Variants in DYM observed in about 807,000 individuals in gnomAD.
DYM encodes the protein dymeclin, also known as dyggve-Melchior-Clausen syndrome protein.
DYM carries 78 observed loss-of-function variants against 93.1 expected under a neutral mutation model. That is an observed-to-expected ratio of 0.84 (90% CI 0.70 to 1.01). The LOEUF is 1.01. Among genes scored for constraint, DYM ranks in the 50% least tolerant of loss-of-function variants. The probability of loss-of-function intolerance (pLI) is 0.00; values close to 1 mark genes in which losing one functional copy is unlikely to be tolerated. For missense variants in DYM, 789 were observed against 845.0 expected (o/e 0.93, Z 0.82); for synonymous variants, 321 against 319.7 (o/e 1.00, Z -0.04).
chr18:49,095,486 A>G (rs1342016412), intron 17 of DYM, among the ~76,000 whole-genome samples: 5 of 149,004 alleles, frequency 3.4e-5, no homozygotes, highest in Non-Finnish European at 7.4e-5. Flanking sequence ...TGAATCATCC[A>G]TCTTCTATCC....
At position 49,040,817 on chromosome 18, in the gene DYM, A is replaced by AT. The variant is rs2070883168; in HGVS notation, c.*3237_*3238insA. ...AGAGAGCTCTACCACCCAATGCAAA[A>AT]CCCTGGCTCCCGGAATCTAAAGGAC... On this transcript the variant is annotated 3_prime_UTR_variant, in exon 18 of 18. Transcript: ENST00000675505. 6.6e-6 allele frequency among the ~76,000 whole-genome samples: 1 copy of AT among 152,182 alleles called. No individual in the cohort carries two copies.
At chr18:49,197,562 T>C (rs1255790672) in intron 14 of DYM, among the ~76,000 whole-genome samples, 1 of 146,206 alleles carries the variant, frequency 6.8e-6, no homozygotes, top group Non-Finnish European at 1.5e-5. Flanking sequence ...AGAAACATAC[T>C]AAGTTAGAAG....
intron 13 of DYM, among the ~76,000 whole-genome samples, chr18:49,253,855 G>A (rs545479267): frequency 6.6e-6 from 1 of 152,218 alleles, no homozygotes; most frequent in South Asian, 2.1e-4. Flanking sequence ...ATTAAGAAAA[G>A]ACCTTCTTTT....
rs149485890 is a variant in DYM, at chr18:49,211,036, T to C, written c.1461-1321A>G. ...TACTACTACAATATGGAAGAGATTA[T>C]GGTAGAGAGAACACTGAATTAGGAG... On this transcript the variant is annotated intron_variant, in intron 13 of 17. Transcript: ENST00000675505. 3.3e-5 allele frequency among the ~76,000 whole-genome samples: 5 copies of C among 152,318 alleles called. No homozygotes were observed. In the East Asian group the frequency reaches 7.7e-4, roughly 23 times the overall value.
intron 1 of DYM, among the ~76,000 whole-genome samples, chr18:49,440,540 TTATA>T (rs1278946417): frequency 1.8e-4 from 1 of 5,610 alleles, no homozygotes; most frequent in Non-Finnish European, 2.6e-4. Flanking sequence ...TGACTATATA[TTATA>T]TATTTATATA....
chr18:49,296,121 GTTTTGCCATGGTGGCCAGGA>G (rs2060528110), intron 8 of DYM, among the ~76,000 whole-genome samples: 1 of 152,128 alleles, frequency 6.6e-6, no homozygotes, highest in Non-Finnish European at 1.5e-5. Flanking sequence ...TAGAGACAGG[GTTTTGCCATGGTGGCCAGGA>G]TGGTCTCAAA....
At position 49,097,458 on chromosome 18, in the gene DYM, G is replaced by T; in HGVS notation, c.1969C>A (p.Arg657=). The T allele has an allele frequency of 1.2e-6, 2 of 1,614,056 alleles. No homozygotes were observed. The highest frequency in any genetic ancestry group is 2.2e-5 in the South Asian group (2 of 91,076). ...LQAGAELSVE[R]VLEIIKQGVV... ...CCTTGCTTAATGATTTCCAGGACCC[G>T]TTCCACTGACAGCTCAGCTCCAGCT... The change falls in exon 17 of 18, where the codon CGG becomes AGG. Residue 657 remains arginine (R), a synonymous_variant. Transcript: ENST00000675505.
chr18:49,248,036 A>G (rs988600719), intron 13 of DYM, among the ~76,000 whole-genome samples: 1 of 152,356 alleles, frequency 6.6e-6, no homozygotes, highest in South Asian at 2.1e-4. Context: ...CAAAGACCAA[A>G]GGAATGAAGA....
At chr18:49,288,765 G>A (rs1000217142) in intron 8 of DYM, among the ~76,000 whole-genome samples, 3 of 151,620 alleles carry the variant, frequency 2.0e-5, no homozygotes, top group African/African-American at 7.3e-5. Context: ...GGGCGACAGA[G>A]TAAGACTCTG....
chr18:49,331,864 T>C lies in DYM; in HGVS notation c.763A>G (p.Thr255Ala), dbSNP rs1862519566. The change falls in exon 8 of 18, where the codon ACA becomes GCA. Residue 255 changes from threonine to alanine, a missense_variant and splice_region_variant. By Grantham distance (58) the Thr-to-Ala change is moderately conservative (BLOSUM62 0). Coordinates refer to ENST00000675505, the MANE Select transcript of DYM (RefSeq NM_001353214.3). Reference protein sequence around the residue: ...LLYGLASGVATGLWTVFTLGG... With the variant: ...LLYGLASGVAAGLWTVFTLGG... ...ATTGAAAAAATCTGATAAAACTTAC[T>C]TGCTACTCCTGATGCAAGTCCATAA... The C allele has an allele frequency of 7.4e-6, 12 of 1,614,058 alleles. No homozygotes were observed. Among genetic ancestry groups the C allele is most frequent in the Non-Finnish European group, 1.0e-5 (12 of 1,179,974 alleles).
chr18:49,095,671 T>A (rs1440164951), intron 17 of DYM, among the ~76,000 whole-genome samples: 6 of 152,190 alleles, frequency 3.9e-5, no homozygotes, highest in Non-Finnish European at 8.8e-5. Context: ...TCAATTATTT[T>A]CTCTATTTAG....
At chr18:49,154,006 C>A (rs73441552) in intron 15 of DYM, among the ~76,000 whole-genome samples, 17,456 of 152,190 alleles carry the variant, frequency 0.11, 1,191 homozygotes, top group East Asian at 0.29. Flanking sequence ...ATATCAATAT[C>A]ATGTATTTCC....
At chr18:49,063,887 C>G (rs893406602) in intron 17 of DYM, among the ~76,000 whole-genome samples, 1 of 152,064 alleles carries the variant, frequency 6.6e-6, no homozygotes, top group African/African-American at 2.4e-5. Flanking sequence ...ACTTGGCCTT[C>G]CAAAGTGCTG....
At chr18:49,174,555 C>A (rs905237235) in intron 14 of DYM, among the ~76,000 whole-genome samples, 2 of 152,014 alleles carry the variant, frequency 1.3e-5, no homozygotes, top group South Asian at 2.1e-4. Flanking sequence ...CACTCTCACC[C>A]CCTACTTTCA....
chr18:49,047,238 C>A (rs1426904392), intron 17 of DYM, among the ~76,000 whole-genome samples: 5 of 152,242 alleles, frequency 3.3e-5, no homozygotes, highest in Non-Finnish European at 7.3e-5. Context: ...CCCCACACTG[C>A]AGTCCCCTTT....
intron 14 of DYM, among the ~76,000 whole-genome samples, chr18:49,196,491 G>A (rs1038106468): frequency 2.6e-5 from 4 of 151,776 alleles, no homozygotes; most frequent in Non-Finnish European, 5.9e-5. Context: ...TGGAACTAAT[G>A]ATCTACTCTT....
intron 17 of DYM, among the ~76,000 whole-genome samples, chr18:49,085,070 C>T (rs2078387131): frequency 6.6e-6 from 1 of 152,138 alleles, no homozygotes; most frequent in Non-Finnish European, 1.5e-5. Flanking sequence ...TCAATTTACA[C>T]TGAAAAAGAA....
intron 13 of DYM, among the ~76,000 whole-genome samples, chr18:49,229,446 A>G (rs542842367): frequency 6.6e-6 from 1 of 152,174 alleles, no homozygotes; most frequent in Non-Finnish European, 1.5e-5. Context: ...AAACAACCCA[A>G]TATTAAAAAG....
At chr18:49,366,371 T>C (rs550249755) in intron 5 of DYM, among the ~76,000 whole-genome samples, 3 of 152,368 alleles carry the variant, frequency 2.0e-5, no homozygotes, top group South Asian at 4.1e-4. Flanking sequence ...TTCTTGAAAT[T>C]TGCAGGTCAA....
Sources: allele counts gnomAD v4.1 joint callset (sites outside exome capture counted in the v4.1 genomes callset), GRCh38; gene constraint gnomAD v4.1.1; transcripts MANE v1.5; gene names NCBI Gene and HGNC (gene_info 2026-07-23, HGNC 2026-07-21).